SEZ6L: variants seen among roughly 807,000 people sequenced by gnomAD.
The protein encoded by SEZ6L is seizure 6-like protein.
Under a neutral mutation model 106.2 loss-of-function variants are expected in SEZ6L, and 37 were observed. That is an observed-to-expected ratio of 0.35 (90% CI 0.27 to 0.46). The LOEUF is 0.46. Ranked by LOEUF, SEZ6L falls within the 20% of genes least tolerant of loss-of-function variation. The probability of loss-of-function intolerance (pLI) is 1.00; values close to 1 mark genes in which losing one functional copy is unlikely to be tolerated. For missense variants in SEZ6L, 1,172 were observed against 1,332.8 expected (o/e 0.88, Z 1.88); for synonymous variants, 541 against 570.4 (o/e 0.95, Z 0.73).
chr22:26,183,644 G>A (rs1432681593), intron 1 of SEZ6L, among the ~76,000 whole-genome samples: 1 of 152,214 alleles, frequency 6.6e-6, no homozygotes, highest in African/African-American at 2.4e-5. Context: ...AACTCCAACG[G>A]GGCCTGCTGA....
At chr22:26,361,613 A>T (rs2083638059) in intron 12 of SEZ6L, among the ~76,000 whole-genome samples, 2 of 152,036 alleles carry the variant, frequency 1.3e-5, no homozygotes, top group South Asian at 4.1e-4. Context: ...TAATCAGTGT[A>T]TATTGGGTGC....
chr22:26,218,396 T>C (rs2078358617), intron 1 of SEZ6L, among the ~76,000 whole-genome samples: 1 of 152,194 alleles, frequency 6.6e-6, no homozygotes, highest in Non-Finnish European at 1.5e-5. Context: ...CCTAATGCTC[T>C]CCCTCCCCTT....
chr22:26,231,187 A>G (rs549736868), intron 1 of SEZ6L, among the ~76,000 whole-genome samples: 2 of 152,350 alleles, frequency 1.3e-5, no homozygotes, highest in Non-Finnish European at 2.9e-5. Flanking sequence ...ACCCATATTT[A>G]TACCCACTTT....
intron 1 of SEZ6L, among the ~76,000 whole-genome samples, chr22:26,289,432 C>A (rs896216293): frequency 6.6e-6 from 1 of 152,220 alleles, no homozygotes; most frequent in Non-Finnish European, 1.5e-5. Flanking sequence ...GGCTGCTGAA[C>A]CTCAGCAAGG....
chr22:26,177,777 G>A (rs899200828), intron 1 of SEZ6L, among the ~76,000 whole-genome samples: 6 of 152,122 alleles, frequency 3.9e-5, no homozygotes, highest in South Asian at 2.1e-4. Context: ...TGGGAGAGAG[G>A]TTGTATAGTT....
At chr22:26,292,173 AAAG>A (rs1185394073) in intron 1 of SEZ6L, 4 of 457,416 alleles carry the variant, frequency 8.7e-6, no homozygotes, top group Non-Finnish European at 1.5e-5. Context: ...AGGAGGAAGG[AAAG>A]AAGGAAGGAG....
At chr22:26,332,089 G>A (rs1018074770) in intron 9 of SEZ6L, among the ~76,000 whole-genome samples, 15 of 151,806 alleles carry the variant, frequency 9.9e-5, no homozygotes, top group East Asian at 5.8e-4. Flanking sequence ...GTAGGGTGAC[G>A]ATAGTTAACA....
In SEZ6L at chr22:26,292,653, C is replaced by T. The variant is rs768121617; in HGVS notation, c.342C>T (p.Pro114=). The T allele has an allele frequency of 1.2e-6, 2 of 1,613,384 alleles. No individual in the cohort carries two copies. Among genetic ancestry groups the T allele is most frequent in the East Asian group, 2.2e-5 (1 of 44,838 alleles). ...PEEARPKHAL[P]PKKKLPSLKQ... ...AGGCCCGCCCCAAGCACGCCTTGCC[C>T]CCCAAGAAGAAACTGCCTTCGCTCA... is the stretch of plus-strand genomic sequence containing the variant. The change falls in exon 2 of 17, where the codon CCC becomes CCT. Residue 114 remains proline, a synonymous_variant. Transcript: ENST00000248933.
chr22:26,347,652 G>A lies in SEZ6L; in HGVS notation c.2213-67G>A, dbSNP rs569354972. ...TTTCTCTTCGCTCATCCCTCTAGCC[G>A]TCATAAAAGGAGGCCCCGACAACAA... On this transcript the variant is annotated intron_variant, in intron 10 of 16. Transcript: ENST00000248933. 125 of 1,367,446 alleles carry A rather than the reference G, an allele frequency of 9.1e-5. No individual in the cohort carries two copies. In the East Asian group the frequency reaches 1.8e-3, roughly 20 times the overall value. 84.7% of individuals were successfully genotyped at this position (1,367,446 alleles called of 1,614,324 possible). A position where few individuals can be genotyped will look rare whatever the true frequency, so the allele number is the denominator to read the frequency against.
chr22:26,318,083 TTTTA>T (rs753485188), intron 9 of SEZ6L, among the ~76,000 whole-genome samples: 1 of 151,744 alleles, frequency 6.6e-6, no homozygotes, highest in African/African-American at 2.4e-5. Flanking sequence ...TTTTATTTTA[TTTTA>T]TTTTTTGTGA....
At chr22:26,328,761 T>TGAGAAAAGGGAGAAAGGAGGAGGAGATG (rs2082395659) in intron 9 of SEZ6L, among the ~76,000 whole-genome samples, 1 of 151,444 alleles carries the variant, frequency 6.6e-6, no homozygotes, top group East Asian at 1.9e-4. Context: ...AGAGGGAAAT[T>TGAGAAAAGGGAGAAAGGAGGAGGAGATG]GAGAAAAGGG....
chr22:26,227,601 T>C (rs936730291), intron 1 of SEZ6L, among the ~76,000 whole-genome samples: 4 of 140,054 alleles, frequency 2.9e-5, no homozygotes, highest in African/African-American at 1.1e-4. Flanking sequence ...TTTTTTTTTG[T>C]AGAGACTGGT....
At chr22:26,287,696 T>C (rs1467278418) in intron 1 of SEZ6L, among the ~76,000 whole-genome samples, 1 of 152,150 alleles carries the variant, frequency 6.6e-6, no homozygotes, top group Non-Finnish European at 1.5e-5. Flanking sequence ...TAATTCCCAG[T>C]GGGACTTGGT....
chr22:26,301,238 C>A (rs181986242), intron 5 of SEZ6L, among the ~76,000 whole-genome samples: 1 of 152,048 alleles, frequency 6.6e-6, no homozygotes, highest in East Asian at 1.9e-4. Context: ...CTTTCTGAGC[C>A]AGCAGACAGA....
chr22:26,306,106 C>A lies in SEZ6L; in HGVS notation c.1476C>A (p.His492Gln). 1 of 1,614,126 alleles carries A rather than the reference C, an allele frequency of 6.2e-7. No homozygotes were observed. Among genetic ancestry groups the A allele is most frequent in the Non-Finnish European group, 8.5e-7 (1 of 1,180,028 alleles). ...AAGCTCCAGAGGGCCAGAAGCTGCACCTGCACTTTGAGAGGCTGTTGCTGC... is the reference window on the plus strand; with the variant it reads ...AAGCTCCAGAGGGCCAGAAGCTGCAACTGCACTTTGAGAGGCTGTTGCTGC... ...TIEAPEGQKL[H>Q]LHFERLLLHD... The change falls in exon 6 of 17, where the codon CAC becomes CAA. Residue 492 changes from histidine to glutamine, a missense_variant. Coordinates refer to ENST00000248933, the MANE Select transcript of SEZ6L (RefSeq NM_021115.5).
At chr22:26,310,583 G>C (rs527674077) in intron 6 of SEZ6L, 87 bp from the exon 7 acceptor site, 11 of 1,427,570 alleles carry the variant, frequency 7.7e-6, no homozygotes, top group Non-Finnish European at 9.7e-6. Context: ...TGAGGCTCCA[G>C]AGGCAGTCGT....
chr22:26,310,208 G>A (rs2081772978), intron 6 of SEZ6L, among the ~76,000 whole-genome samples: 1 of 152,226 alleles, frequency 6.6e-6, no homozygotes. Context: ...GAGGAAACAG[G>A]TTCGATAAGG....
chr22:26,266,594 TAAATAAATAAA>T (rs938844181), intron 1 of SEZ6L, among the ~76,000 whole-genome samples: 7 of 147,262 alleles, frequency 4.8e-5, no homozygotes, highest in African/African-American at 1.6e-4. Flanking sequence ...AATAAATAAA[TAAATAAATAAA>T]TAAATAAATA....
chr22:26,290,689 G>A (rs2081082081), intron 1 of SEZ6L, among the ~76,000 whole-genome samples: 1 of 152,210 alleles, frequency 6.6e-6, no homozygotes, highest in Non-Finnish European at 1.5e-5. Context: ...AAAACAAAAT[G>A]AATTACAAGA....
Sources: gnomAD v4.1 joint callset for allele counts (sites outside exome capture counted in the v4.1 genomes callset) on GRCh38, gnomAD v4.1.1 for gene constraint, MANE v1.5 for transcripts, NCBI Gene and HGNC (gene_info 2026-07-23, HGNC 2026-07-21) for gene names.